Variants in FARP1 observed in about 807,000 individuals in gnomAD.
FARP1 encodes FERM, ARHGEF and pleckstrin domain-containing protein 1.
Under a neutral mutation model 128.8 loss-of-function variants are expected in FARP1, and 52 were observed. That is an observed-to-expected ratio of 0.40 (90% CI 0.32 to 0.51). The LOEUF (loss-of-function observed/expected upper bound fraction) is 0.51, where lower values mean the gene tolerates loss of function less well. Among genes scored for constraint, FARP1 ranks in the 20% least tolerant of loss-of-function variants. The pLI, the probability that FARP1 is intolerant of heterozygous loss-of-function variation, is 0.45. For synonymous variants in FARP1, 580 were observed against 551.8 expected (o/e 1.05, Z -0.72); for missense variants, 1,333 against 1,367.9 (o/e 0.97, Z 0.40).
At chr13:98,161,272 A>G (rs1326988072) in intron 1 of FARP1, among the ~76,000 whole-genome samples, 2 of 149,868 alleles carry the variant, frequency 1.3e-5, no homozygotes, top group Admixed American at 6.7e-5. Context: ...CCAGAGTGCA[A>G]TGGTGTGATC....
chr13:98,298,622 C>CT (rs1431990556), intron 2 of FARP1, among the ~76,000 whole-genome samples: 1 of 152,058 alleles, frequency 6.6e-6, no homozygotes, highest in African/African-American at 2.4e-5. Context: ...GTTTTTGTCT[C>CT]TGTGTTTATG....
chr13:98,441,191 C>A (rs1375023140), intron 24 of FARP1, among the ~76,000 whole-genome samples: 1 of 152,182 alleles, frequency 6.6e-6, no homozygotes, highest in Non-Finnish European at 1.5e-5. Context: ...TGGACAGTTC[C>A]ATGGCTGTCA....
chr13:98,388,111 T>G (rs906879429), intron 8 of FARP1, among the ~76,000 whole-genome samples: 1 of 152,172 alleles, frequency 6.6e-6, no homozygotes, highest in Admixed American at 6.5e-5. Flanking sequence ...TATTTCTATT[T>G]ATCTTTCTTT....
chr13:98,446,805 A>T lies in FARP1; in HGVS notation c.3044A>T (p.Tyr1015Phe). 6.2e-7 allele frequency: 1 copy of T among 1,614,138 alleles called. No individual in the cohort carries two copies. Among genetic ancestry groups the T allele is most frequent in the South Asian group, 1.1e-5 (1 of 91,072 alleles). Reference protein sequence around the residue: ...HVYYFRAESEYTFERWMEVIR... With the variant: ...HVYYFRAESEFTFERWMEVIR... ...TACTACTTCAGGGCGGAAAGCGAGT[A>T]CACGTTCGAAAGGTAGACACCCCCT... Residue 1015 changes from tyrosine to phenylalanine, a missense_variant, in exon 26 of 27, where the codon TAC becomes TTC. Tyr to Phe is a conservative substitution (Grantham distance 22). Around this residue, in one of 2 missense-constraint regions of FARP1, gnomAD observed 1,009 missense variants for 969.8 expected, o/e 1.04. Coordinates refer to ENST00000319562, the MANE Select transcript of FARP1 (RefSeq NM_005766.4).
chr13:98,320,231 A>G (rs1886930050), intron 2 of FARP1, among the ~76,000 whole-genome samples: 1 of 152,200 alleles, frequency 6.6e-6, no homozygotes, highest in African/African-American at 2.4e-5. Context: ...TTATTTTATC[A>G]GTTGTAGTTC....
chr13:98,403,086 C>CTT (rs34965107), intron 13 of FARP1: 26,950 of 144,968 alleles, frequency 0.19, 3,010 homozygotes, highest in East Asian at 0.45. Context: ...TGTCTGATGT[C>CTT]TTTTTTTTTT....
Position 98,448,537 on chromosome 13 carries a change from G to GTTCTTTAGCTAGTGCCAGTA in FARP1, c.*223_*242dup, listed in dbSNP as rs1318581460. 6 of 559,316 alleles carry GTTCTTTAGCTAGTGCCAGTA rather than the reference G, an allele frequency of 1.1e-5. No homozygotes were observed. The highest frequency in any genetic ancestry group is 1.9e-5 in the Non-Finnish European group (6 of 313,482). The allele number at this position is 559,316 out of a possible 1,614,324, so 34.6% of individuals were successfully genotyped here. On this transcript the variant is annotated 3_prime_UTR_variant, in exon 27 of 27. Transcript: ENST00000319562. Reference sequence around the variant, plus strand: ...AGTCCTGGCATCCGCTGGGGGCGCTGTTCTTTAGCTAGTGCCAGTATTAAA... The same window carrying GTTCTTTAGCTAGTGCCAGTA: ...AGTCCTGGCATCCGCTGGGGGCGCTGTTCTTTAGCTAGTGCCAGTATTCTTTAGCTAGTGCCAGTATTAAA...
chr13:98,176,694 C>A lies in FARP1; in HGVS notation c.-24+33202C>A, dbSNP rs767326857. The A allele has an allele frequency of 5.0e-5, 80 of 1,614,090 alleles. No homozygotes were observed. The highest frequency in any genetic ancestry group is 6.5e-5 in the Non-Finnish European group (77 of 1,180,048). On this transcript the variant is annotated intron_variant, in intron 1 of 26. Transcript: ENST00000319562. The surrounding 1 kb of genome is among the most constrained non-coding windows in gnomAD (Gnocchi z 6.2). ...CCCAGCGCACAGTGGCGCGCAGATG[C>A]CCTGGCGCACGTATGGGGCCCTTCC... is the stretch of plus-strand genomic sequence containing the variant.
Position 98,390,081 on chromosome 13 carries a change from A to G in FARP1, c.980A>G (p.Lys327Arg). 1 of 1,614,178 alleles carries G rather than the reference A, an allele frequency of 6.2e-7. No individual in the cohort carries two copies. Among genetic ancestry groups the G allele is most frequent in the Non-Finnish European group, 8.5e-7 (1 of 1,180,024 alleles). Residue 327 changes from lysine to arginine, a missense_variant, in exon 10 of 27, where the codon AAG becomes AGG. Coordinates refer to ENST00000319562, the MANE Select transcript of FARP1 (RefSeq NM_005766.4). ...TTTGAAGAGCCCAAACCAAAGCCCA[A>G]GCCCGTCCTCTTTAGCCGGGGGTCA... Reference protein sequence around the residue: ...RLFEEPKPKPKPVLFSRGSSF... With the variant: ...RLFEEPKPKPRPVLFSRGSSF...
chr13:98,282,424 G>A (rs1422458653), intron 2 of FARP1, among the ~76,000 whole-genome samples: 4 of 152,196 alleles, frequency 2.6e-5, no homozygotes, highest in African/African-American at 9.7e-5. Context: ...TGATAGCAGA[G>A]GCTCTGACTC....
In FARP1 at chr13:98,453,017, G is replaced by A. The variant is rs1477262108; in HGVS notation, c.*4700G>A. 1 of 703,680 alleles carries A rather than the reference G, an allele frequency of 1.4e-6. No individual in the cohort carries two copies. The highest frequency in any genetic ancestry group is 2.4e-6 in the Non-Finnish European group (1 of 422,656). 43.6% of individuals were successfully genotyped at this position (703,680 alleles called of 1,614,324 possible). A position where few individuals can be genotyped will look rare whatever the true frequency, so the allele number is the denominator to read the frequency against. On this transcript the variant is annotated 3_prime_UTR_variant, in exon 27 of 27. Transcript: ENST00000319562. Reference sequence around the variant, plus strand: ...CTTCATCTGGCTGCAGCACAGTGAAGACTGTGTGTGTCCCTGGACGGGCGC... The same window carrying A: ...CTTCATCTGGCTGCAGCACAGTGAAAACTGTGTGTGTCCCTGGACGGGCGC...
intron 2 of FARP1, among the ~76,000 whole-genome samples, chr13:98,223,218 C>T (rs1881534073): frequency 6.6e-6 from 1 of 152,210 alleles, no homozygotes; most frequent in Non-Finnish European, 1.5e-5. Context: ...GTGCTGTCAC[C>T]AAGGGCTGAG....
intron 10 of FARP1, 78 bp from the exon 11 acceptor site, chr13:98,390,734 G>T: frequency 1.8e-6 from 2 of 1,101,226 alleles, no homozygotes; most frequent in Non-Finnish European, 2.8e-6. Flanking sequence ...GGGAAGTGAA[G>T]CCCTGAAGCA....
chr13:98,243,231 TTTTGAACTGTTAA>T (rs1417653292), intron 2 of FARP1, among the ~76,000 whole-genome samples: 2 of 152,156 alleles, frequency 1.3e-5, no homozygotes, highest in Admixed American at 6.5e-5. Flanking sequence ...TGGGCTTTGG[TTTTGAACTGTTAA>T]TTTGTTCATT....
intron 1 of FARP1, among the ~76,000 whole-genome samples, chr13:98,209,643 A>T (rs1880538801): frequency 6.6e-6 from 1 of 150,408 alleles, no homozygotes; most frequent in Non-Finnish European, 1.5e-5. Context: ...CTAAAAATAC[A>T]ACAATTAGCT....
intron 11 of FARP1, among the ~76,000 whole-genome samples, chr13:98,392,323 CAAAAAA>C (rs11289484): frequency 0.01 from 633 of 60,474 alleles, 18 homozygotes; most frequent in African/African-American, 0.038. Flanking sequence ...CATCTCTACC[CAAAAAA>C]AAAAAAAAAA....
chr13:98,244,917 G>C, intron 2 of FARP1: 1 of 1,386,358 alleles, frequency 7.2e-7, no homozygotes, highest in Non-Finnish European at 9.3e-7. Flanking sequence ...CAGGAGGCTT[G>C]GTTTGATCTA....
chr13:98,164,004 C>T (rs1448743603), intron 1 of FARP1, among the ~76,000 whole-genome samples: 2 of 152,198 alleles, frequency 1.3e-5, no homozygotes, highest in African/African-American at 2.4e-5. Flanking sequence ...CCACTGCACC[C>T]GGCCAGCATG....
intron 2 of FARP1, among the ~76,000 whole-genome samples, chr13:98,265,120 T>C (rs1234189330): frequency 6.6e-6 from 1 of 152,136 alleles, no homozygotes; most frequent in Non-Finnish European, 1.5e-5. Context: ...GGAAATGAAC[T>C]GAAGGCACTT....
Sources: allele counts gnomAD v4.1 joint callset (sites outside exome capture counted in the v4.1 genomes callset), GRCh38; gene constraint gnomAD v4.1.1; regional missense constraint gnomAD v4.1.1; non-coding constraint Gnocchi (gnomAD v3.1); transcripts MANE v1.5; gene names NCBI Gene and HGNC (gene_info 2026-07-23, HGNC 2026-07-21).